UBAC1: variants seen among roughly 807,000 people sequenced by gnomAD.
UBAC1 encodes the protein UBA domain containing 1.
In UBAC1, 27 loss-of-function variants were observed where a neutral mutation model predicts 45.9. That is an observed-to-expected ratio of 0.59 (90% CI 0.43 to 0.81). The LOEUF is 0.81. UBAC1 is among the 30% of genes least tolerant of loss of function. The probability of loss-of-function intolerance (pLI) is 0.00; values close to 1 mark genes in which losing one functional copy is unlikely to be tolerated. For synonymous variants in UBAC1, 227 were observed against 215.5 expected, an observed-to-expected ratio of 1.05 and a Z score of -0.47; for missense variants, 529 against 539.2, an observed-to-expected ratio of 0.98 and a Z score of 0.19.
At chr9:135,958,207 C>T (rs549845329) in intron 1 of UBAC1, among the ~76,000 whole-genome samples, 1 of 152,128 alleles carries the variant, frequency 6.6e-6, no homozygotes, top group Non-Finnish European at 1.5e-5. Context: ...CCACCACGCC[C>T]GGCTAATTTT....
chr9:135,942,603 G>C (rs547489618), intron 7 of UBAC1, among the ~76,000 whole-genome samples: 1 of 148,824 alleles, frequency 6.7e-6, no homozygotes, highest in African/African-American at 2.5e-5. Context: ...AGTGAGCCAT[G>C]ATTGTGCCAC....
At chr9:135,960,533 G>A (rs1167567993) in intron 1 of UBAC1, among the ~76,000 whole-genome samples, 1 of 152,170 alleles carries the variant, frequency 6.6e-6, no homozygotes, top group Non-Finnish European at 1.5e-5. Flanking sequence ...AGAGGAAGGA[G>A]AAGGGGCCTC....
At chr9:135,942,821 C>T (rs575001017) in intron 7 of UBAC1, among the ~76,000 whole-genome samples, 2 of 152,256 alleles carry the variant, frequency 1.3e-5, no homozygotes, top group East Asian at 1.9e-4. Context: ...ACAGACAGAA[C>T]GTGCGCCTTG....
Position 135,961,266 on chromosome 9 carries a change from G to T in UBAC1, c.-104C>A. On this transcript the variant is annotated 5_prime_UTR_variant, in exon 1 of 10. Transcript: ENST00000371756. ...GGCCAGACCGCCCGCGCGCTCCTTC[G>T]CTGGGCCGCCGCCCCGCCCCGGCTC... 1 of 1,050,152 alleles carries T rather than the reference G, an allele frequency of 9.5e-7. No homozygotes were observed. Among genetic ancestry groups the T allele is most frequent in the Non-Finnish European group, 1.2e-6 (1 of 847,484 alleles). 65.1% of individuals were successfully genotyped at this position (1,050,152 alleles called of 1,614,324 possible).
intron 1 of UBAC1, among the ~76,000 whole-genome samples, chr9:135,958,349 G>A (rs1369953969): frequency 6.6e-6 from 1 of 152,140 alleles, no homozygotes; most frequent in Non-Finnish European, 1.5e-5. Flanking sequence ...GCTCAGCCAG[G>A]TATAATTTTC....
In UBAC1 at chr9:135,938,270, C is replaced by A; in HGVS notation, c.1054G>T (p.Asp352Tyr). The change falls in exon 9 of 10, where the codon GAT becomes TAT. Residue 352 changes from aspartate (D) to tyrosine (Y), a missense_variant. By Grantham distance (160) the Asp-to-Tyr change is radical. Coordinates refer to ENST00000371756, the MANE Select transcript of UBAC1 (RefSeq NM_016172.3). ...PDSPLFQAIL[D>Y]NPVVQLGLTN... ...AGGCCCAGCTGCACCACCGGGTTAT[C>A]CAGGATGGCCTGAAAGAGAGGACTG... The A allele has an allele frequency of 6.2e-7, 1 of 1,614,224 alleles. No individual in the cohort carries two copies. The highest frequency in any genetic ancestry group is 8.5e-7 in the Non-Finnish European group (1 of 1,180,048).
At chr9:135,935,629 C>A (rs72771952) in intron 9 of UBAC1, among the ~76,000 whole-genome samples, 2,552 of 151,788 alleles carry the variant, frequency 0.017, 36 homozygotes, top group Non-Finnish European at 0.029. Flanking sequence ...AAGACCCTGT[C>A]TCCATAAAAA....
chr9:135,959,847 C>T (rs1839511288), intron 1 of UBAC1, among the ~76,000 whole-genome samples: 1 of 152,118 alleles, frequency 6.6e-6, no homozygotes, highest in South Asian at 2.1e-4. Flanking sequence ...CAAAACATAC[C>T]GGCCCTTGAA....
intron 9 of UBAC1, among the ~76,000 whole-genome samples, chr9:135,937,135 C>T (rs956334164): frequency 6.6e-6 from 1 of 152,108 alleles, no homozygotes; most frequent in African/African-American, 2.4e-5. Context: ...GCTCGGGTGG[C>T]AAAGGCCCTC....
rs555523159 is a variant in UBAC1, at chr9:135,944,259, G to A, written c.876+769C>T. Among the ~76,000 whole-genome samples, 20 of 152,288 alleles carry A rather than the reference G, an allele frequency of 1.3e-4. No homozygotes were observed. In the East Asian group the frequency reaches 3.9e-3, roughly 29 times the overall value. ...GCAGGGGCCCCACTCATCACCAGCA[G>A]AAGCAAACTCAGAATCACCCCAGGT... is the stretch of plus-strand genomic sequence containing the variant. On this transcript the variant is annotated intron_variant, in intron 7 of 9. Transcript: ENST00000371756.
intron 8 of UBAC1, among the ~76,000 whole-genome samples, chr9:135,938,979 A>G (rs1438404038): frequency 6.6e-6 from 1 of 152,208 alleles, no homozygotes; most frequent in Non-Finnish European, 1.5e-5. Context: ...AAGCCAAAGC[A>G]GGAGGATCGA....
chr9:135,938,075 G>T, intron 9 of UBAC1, 147 bp downstream of exon 9: 1 of 1,288,500 alleles, frequency 7.8e-7, no homozygotes, highest in Non-Finnish European at 1.1e-6. Flanking sequence ...CCCGCAGGAT[G>T]CCAACCTGCA....
chr9:135,942,641 A>G (rs1223793641), intron 7 of UBAC1, among the ~76,000 whole-genome samples: 1 of 148,608 alleles, frequency 6.7e-6, no homozygotes, highest in African/African-American at 2.5e-5. Flanking sequence ...TGACAGAGTG[A>G]AACTGTCTCA....
chr9:135,955,004 C>A (rs1839449711), intron 2 of UBAC1, among the ~76,000 whole-genome samples: 1 of 152,234 alleles, frequency 6.6e-6, no homozygotes, highest in African/African-American at 2.4e-5. Flanking sequence ...ACCTGCAGAA[C>A]CCCTGGAGTC....
At chr9:135,945,364 T>C (rs1320091389) in intron 6 of UBAC1, 114 bp from the exon 7 acceptor site, 3 of 923,736 alleles carry the variant, frequency 3.2e-6, no homozygotes, top group Non-Finnish European at 4.7e-6. Flanking sequence ...CAGCATCAGC[T>C]GGTGACCCTT....
chr9:135,961,103 C>T lies in UBAC1; in HGVS notation c.60G>A (p.Ala20=), dbSNP rs1839531046. Reference sequence around the variant, plus strand: ...CCTCCAGCCACTCGGCGCCGTCGGACGCGCAGATGTGCAGCCGCAGCACCT... The same window carrying T: ...CCTCCAGCCACTCGGCGCCGTCGGATGCGCAGATGTGCAGCCGCAGCACCT... The part of the protein sequence containing the change: ...AGKVLRLHIC[A]SDGAEWLEEA... The change falls in exon 1 of 10, where the codon GCG becomes GCA. Residue 20 remains alanine (A), a synonymous_variant. Coordinates refer to ENST00000371756, the MANE Select transcript of UBAC1 (RefSeq NM_016172.3). 1.3e-6 allele frequency: 2 copies of T among 1,590,168 alleles called. No homozygotes were observed. Among genetic ancestry groups the T allele is most frequent in the African/African-American group, 1.4e-5 (1 of 72,790 alleles).
At position 135,955,168 on chromosome 9, in the gene UBAC1, T is replaced by A. The variant is rs1269444862; in HGVS notation, c.259+127A>T. On this transcript the variant is annotated intron_variant, in intron 2 of 9. Transcript: ENST00000371756. Reference sequence around the variant, plus strand: ...GGAAAAACAGAATGCTTTTAGTCGATCTCGTTTTTGTGCTCGTGTCCAGCT... The same window carrying A: ...GGAAAAACAGAATGCTTTTAGTCGAACTCGTTTTTGTGCTCGTGTCCAGCT... 8.0e-6 allele frequency: 8 copies of A among 996,236 alleles called. No homozygotes were observed. In the Admixed American group the frequency reaches 1.2e-4, roughly 15 times the overall value. The allele number at this position is 996,236 out of a possible 1,614,324, so 61.7% of individuals were successfully genotyped here.
At chr9:135,946,106 C>T in intron 5 of UBAC1, 109 bp from the exon 6 acceptor site, 1 of 1,182,628 alleles carries the variant, frequency 8.5e-7, no homozygotes, top group East Asian at 2.4e-5. Flanking sequence ...TGCCCGCCCT[C>T]AGGCACATCA....
At chr9:135,936,552 G>T in intron 9 of UBAC1, among the ~76,000 whole-genome samples, 1 of 150,276 alleles carries the variant, frequency 6.7e-6, no homozygotes. Context: ...CTAGAGTGCA[G>T]TGGCACGATC....
Sources: allele counts gnomAD v4.1 joint callset (sites outside exome capture counted in the v4.1 genomes callset), GRCh38; gene constraint gnomAD v4.1.1; transcripts MANE v1.5; gene names NCBI Gene and HGNC (gene_info 2026-07-23, HGNC 2026-07-21).